Variants in MYO5B observed in about 807,000 individuals in gnomAD.
MYO5B encodes myosin VB.
In MYO5B, 143 loss-of-function variants were observed where a neutral mutation model predicts 229.3. That is an observed-to-expected ratio of 0.62 (90% CI 0.54 to 0.72). MYO5B has a LOEUF of 0.72. Among genes scored for constraint, MYO5B ranks in the 30% least tolerant of loss-of-function variants. The pLI is 0.00. For missense variants in MYO5B, 2,321 were observed against 2,331.0 expected (o/e 1.00, Z 0.09); for synonymous variants, 918 against 885.2 (o/e 1.04, Z -0.66).
chr18:49,900,988 G>C (rs1426929010), intron 21 of MYO5B, among the ~76,000 whole-genome samples: 1 of 152,178 alleles, frequency 6.6e-6, no homozygotes, highest in East Asian at 1.9e-4. Flanking sequence ...ATGTGACTTT[G>C]GCAAGGGACT....
intron 4 of MYO5B, among the ~76,000 whole-genome samples, chr18:50,018,163 CA>C (rs925726824): frequency 6.6e-6 from 1 of 152,186 alleles, no homozygotes; most frequent in African/African-American, 2.4e-5. Flanking sequence ...TAGCTCACCA[CA>C]GCCTAGCACT....
chr18:50,109,426 C>T (rs111254037), intron 1 of MYO5B, among the ~76,000 whole-genome samples: 15,013 of 130,474 alleles, frequency 0.12, 1,334 homozygotes, highest in African/African-American at 0.29. Flanking sequence ...CATGATTTTT[C>T]TTTTTTTTTT....
In MYO5B at chr18:49,902,669, T is replaced by C. The variant is rs1387981415; in HGVS notation, c.2736A>G (p.Ser912=). 1 of 1,613,268 alleles carries C rather than the reference T, an allele frequency of 6.2e-7. No homozygotes were observed. Among genetic ancestry groups the C allele is most frequent in the Admixed American group, 1.7e-5 (1 of 60,016 alleles). The part of the protein sequence containing the change: ...ELKALRIEAR[S]AEHLKRLNVG... ...CGTTGAGACGTTTCAGATGCTCTGC[T>C]GAGCGGGCCTCAATCCTGAGGGCCT... Residue 912 remains serine, a synonymous_variant, in exon 21 of 40, where the codon TCA becomes TCG. Coordinates refer to ENST00000285039, the MANE Select transcript of MYO5B (RefSeq NM_001080467.3).
intron 10 of MYO5B, among the ~76,000 whole-genome samples, chr18:49,970,235 G>A (rs767266686): frequency 1.3e-5 from 2 of 152,190 alleles, no homozygotes; most frequent in African/African-American, 2.4e-5. Flanking sequence ...TACCCTGAAG[G>A]CGACTTCACA....
chr18:49,964,484 C>T (rs1568050302), intron 10 of MYO5B, among the ~76,000 whole-genome samples: 1 of 152,112 alleles, frequency 6.6e-6, no homozygotes, highest in Non-Finnish European at 1.5e-5. Flanking sequence ...GGAAAATTTC[C>T]CCATGCTCCA....
chr18:49,920,846 G>A (rs568662600), intron 17 of MYO5B, among the ~76,000 whole-genome samples: 1 of 152,308 alleles, frequency 6.6e-6, no homozygotes, highest in Admixed American at 6.5e-5. Context: ...TGAGACTGCT[G>A]AGTATGTCCC....
At chr18:50,162,335 T>A (rs1433714989) in intron 1 of MYO5B, among the ~76,000 whole-genome samples, 2 of 152,068 alleles carry the variant, frequency 1.3e-5, no homozygotes, top group African/African-American at 4.8e-5. Flanking sequence ...CTAGCATATT[T>A]TCAAAACATC....
intron 1 of MYO5B, among the ~76,000 whole-genome samples, chr18:50,180,007 G>A (rs994271889): frequency 6.6e-6 from 1 of 152,174 alleles, no homozygotes; most frequent in African/African-American, 2.4e-5. Flanking sequence ...CTTAGGTCCG[G>A]ACCTCTAGGG....
chr18:49,929,503 G>T lies in MYO5B; in HGVS notation c.2090+9C>A, dbSNP rs1374096177. ...GCCCCAGGAGGCAGCTGGCGGGCAC[G>T]TTAGTTACCTGGATGGGTAGCCAGC... On this transcript the variant is annotated intron_variant, in intron 17 of 39. Transcript: ENST00000285039. The T allele has an allele frequency of 1.9e-6, 3 of 1,601,714 alleles. No individual in the cohort carries two copies. Among genetic ancestry groups the T allele is most frequent in the Middle Eastern group, 2.3e-4 (1 of 4,428 alleles).
rs1177463473 is a variant in MYO5B at position 49,942,338 on chromosome 18, T to C, written c.1753-4941A>G. On this transcript the variant is annotated intron_variant, in intron 14 of 39. Coordinates refer to ENST00000285039, the MANE Select transcript of MYO5B (RefSeq NM_001080467.3). ...CAACAAAAGCAAAAATGGGATCTAATTGACAAATGGGATCTAATTAAACTA... is the reference window on the plus strand; with the variant it reads ...CAACAAAAGCAAAAATGGGATCTAACTGACAAATGGGATCTAATTAAACTA... Among the ~76,000 whole-genome samples the C allele has an allele frequency of 3.5e-5, 5 of 143,542 alleles. No homozygotes were observed. The Admixed American group carries it at 3.5e-4, about 10-fold the overall frequency. 94.2% of individuals were successfully genotyped at this position (143,542 alleles called of 152,430 possible).
intron 33 of MYO5B, among the ~76,000 whole-genome samples, chr18:49,844,143 C>T (rs748009550): frequency 6.6e-6 from 1 of 152,234 alleles, no homozygotes; most frequent in Non-Finnish European, 1.5e-5. Context: ...CCATTAACTG[C>T]AGACTCAGCC....
intron 39 of MYO5B, among the ~76,000 whole-genome samples, chr18:49,831,405 CCTA>C (rs2023919623): frequency 6.6e-6 from 1 of 152,108 alleles, no homozygotes; most frequent in Non-Finnish European, 1.5e-5. Flanking sequence ...ACAAATAACT[CCTA>C]CAACTCAATA....
chr18:50,132,262 G>A (rs1470792824), intron 1 of MYO5B, among the ~76,000 whole-genome samples: 2 of 152,210 alleles, frequency 1.3e-5, no homozygotes, highest in Non-Finnish European at 2.9e-5. Flanking sequence ...GGTTGGAGGA[G>A]CAGAGCATAA....
chr18:49,838,156 T>C (rs905573612), intron 36 of MYO5B, among the ~76,000 whole-genome samples: 22 of 152,226 alleles, frequency 1.4e-4, no homozygotes, highest in Non-Finnish European at 7.3e-5. Flanking sequence ...AAGAGCTTCA[T>C]TGGTCCGTCA....
At chr18:50,048,934 A>G (rs1483515088) in intron 2 of MYO5B, among the ~76,000 whole-genome samples, 1 of 151,994 alleles carries the variant, frequency 6.6e-6, no homozygotes, top group Non-Finnish European at 1.5e-5. Flanking sequence ...AGGCACAAGA[A>G]TTACTTGAAC....
At chr18:50,083,803 C>T (rs952902019) in intron 1 of MYO5B, among the ~76,000 whole-genome samples, 1 of 152,172 alleles carries the variant, frequency 6.6e-6, no homozygotes, top group African/African-American at 2.4e-5. Context: ...TGTCACCAAC[C>T]TGATACCCAA....
intron 1 of MYO5B, among the ~76,000 whole-genome samples, chr18:50,110,489 C>T (rs953386690): frequency 5.9e-5 from 9 of 152,116 alleles, no homozygotes; most frequent in African/African-American, 2.2e-4. Context: ...GATTAAGCAC[C>T]TTGCCCAGTA....
intron 1 of MYO5B, among the ~76,000 whole-genome samples, chr18:50,147,474 A>T (rs1193235773): frequency 6.6e-6 from 1 of 152,160 alleles, no homozygotes; most frequent in Non-Finnish European, 1.5e-5. Context: ...GATTTGTTTA[A>T]CACATGAAGC....
rs1598902038 is a variant in MYO5B at position 49,945,090 on chromosome 18, G to A, written c.1753-7693C>T. On this transcript the variant is annotated intron_variant, in intron 14 of 39. Transcript: ENST00000285039. The stretch of plus-strand genomic sequence containing the variant: ...CTTCCTCTAATCTTCTCCCTGCCCG[G>A]CGCCCTTCCCAGAACCTCCCACGGG... Among the ~76,000 whole-genome samples the A allele has an allele frequency of 2.6e-5, 4 of 152,142 alleles. 1 individual carries two copies. Among genetic ancestry groups the A allele is most frequent in the Admixed American group, 6.5e-5 (1 of 15,270 alleles).
Sources: gnomAD v4.1 joint callset for allele counts (sites outside exome capture counted in the v4.1 genomes callset) on GRCh38, gnomAD v4.1.1 for gene constraint, MANE v1.5 for transcripts, NCBI Gene and HGNC (gene_info 2026-07-23, HGNC 2026-07-21) for gene names.